Variants in ARHGAP32 observed in about 807,000 individuals in gnomAD.
ARHGAP32 encodes rho GTPase-activating protein 32.
Under a neutral mutation model 186.5 loss-of-function variants are expected in ARHGAP32, and 51 were observed. The observed-to-expected ratio is 0.27, with a 90% confidence interval of 0.22 to 0.35. The LOEUF (loss-of-function observed/expected upper bound fraction) is 0.35, where lower values mean the gene tolerates loss of function less well. Ranked by LOEUF, ARHGAP32 falls within the 10% of genes least tolerant of loss-of-function variation. The pLI, the probability that ARHGAP32 is intolerant of heterozygous loss-of-function variation, is 1.00. For synonymous variants in ARHGAP32, 950 were observed against 964.3 expected (o/e 0.99, Z 0.27); for missense variants, 2,186 against 2,623.5 (o/e 0.83, Z 3.64).
At chr11:129,178,279 A>T (rs1214826440) in intron 1 of ARHGAP32, among the ~76,000 whole-genome samples, 1 of 152,104 alleles carries the variant, frequency 6.6e-6, no homozygotes, top group Non-Finnish European at 1.5e-5. Flanking sequence ...TCCATTGCTC[A>T]AGGAAATAAA....
rs1346870519 is a variant in ARHGAP32, at chr11:129,227,193, A to G, written c.-5+51953T>C. Among the ~76,000 whole-genome samples, 4 of 152,046 alleles carry G rather than the reference A, an allele frequency of 2.6e-5. No homozygotes were observed. In the East Asian group the frequency reaches 7.7e-4, roughly 29 times the overall value. ...AATTAAGTGAGTATTAATTCAAACT[A>G]GAGTGTTATAAATTAAATTTTCAAT... On this transcript the variant is annotated intron_variant, in intron 1 of 6. Coordinates refer to the ARHGAP32 transcript ENST00000525234.
intron 2 of ARHGAP32, among the ~76,000 whole-genome samples, chr11:129,152,610 C>T (rs1943312868): frequency 1.3e-5 from 2 of 152,048 alleles, no homozygotes. Flanking sequence ...TGATACACCA[C>T]ATACACAAAA....
intron 11 of ARHGAP32, among the ~76,000 whole-genome samples, chr11:129,011,543 A>G (rs1938081724): frequency 6.6e-6 from 1 of 152,164 alleles, no homozygotes; most frequent in African/African-American, 2.4e-5. Context: ...GCCACGGGAC[A>G]GTGGTATGAA....
At chr11:128,993,454 A>G (rs545603885) in intron 12 of ARHGAP32, 1 of 151,924 alleles carries the variant, frequency 6.6e-6, no homozygotes, top group African/African-American at 2.4e-5. Flanking sequence ...GAACAATTAT[A>G]TATGATATAT....
intron 1 of ARHGAP32, among the ~76,000 whole-genome samples, chr11:129,177,341 C>T (rs1453113911): frequency 2.0e-5 from 3 of 152,008 alleles, no homozygotes; most frequent in East Asian, 3.9e-4. Flanking sequence ...GATTCACAGC[C>T]GAATTCTACC....
chr11:129,058,421 A>G (rs1472586890), intron 10 of ARHGAP32, among the ~76,000 whole-genome samples: 2 of 152,228 alleles, frequency 1.3e-5, no homozygotes, highest in Non-Finnish European at 2.9e-5. Context: ...AACAGGAGTC[A>G]TGAAAAATCT....
intron 1 of ARHGAP32, among the ~76,000 whole-genome samples, chr11:129,173,261 A>C (rs1943812068): frequency 6.6e-6 from 1 of 151,996 alleles, no homozygotes. Context: ...CTAAATTAGG[A>C]AGAAGCTGAA....
chr11:129,276,431 G>A (rs1429145203), intron 1 of ARHGAP32, among the ~76,000 whole-genome samples: 2 of 152,010 alleles, frequency 1.3e-5, no homozygotes, highest in Non-Finnish European at 2.9e-5. Flanking sequence ...CTCCCGAGTA[G>A]CCAGGACTAC....
At chr11:129,257,598 A>C (rs1396312429) in intron 1 of ARHGAP32, among the ~76,000 whole-genome samples, 1 of 151,792 alleles carries the variant, frequency 6.6e-6, no homozygotes, top group African/African-American at 2.4e-5. Context: ...ACATAACAAA[A>C]CTTTGTTGCT....
intron 8 of ARHGAP32, among the ~76,000 whole-genome samples, 178 bp from the exon 9 acceptor site, chr11:129,064,202 C>T (rs963798899): frequency 4.0e-5 from 6 of 150,018 alleles, no homozygotes; most frequent in African/African-American, 1.5e-4. Context: ...GTGCCTATAA[C>T]ATATACAGTT....
rs1174129901 is a variant in ARHGAP32, at chr11:129,241,574, G to A, written c.-5+37572C>T. Among the ~76,000 whole-genome samples, 3 of 152,238 alleles carry A rather than the reference G, an allele frequency of 2.0e-5. No homozygotes were observed. The East Asian group carries it at 5.8e-4, about 29-fold the overall frequency. ...GTGGGAGAGTCACTTGAGCCCAGAA[G>A]GTCAAGGCTGCAGTGAGACGTGATG... On this transcript the variant is annotated intron_variant, in intron 1 of 6. Coordinates refer to the ARHGAP32 transcript ENST00000525234.
chr11:129,081,964 A>C (rs1262329406), intron 6 of ARHGAP32, among the ~76,000 whole-genome samples: 1 of 152,178 alleles, frequency 6.6e-6, no homozygotes, highest in South Asian at 2.1e-4. Context: ...ACAGCAACCA[A>C]GCTGAGAATA....
chr11:129,056,499 G>T (rs1338669237), intron 10 of ARHGAP32, among the ~76,000 whole-genome samples: 1 of 152,006 alleles, frequency 6.6e-6, no homozygotes, highest in Admixed American at 6.6e-5. Context: ...TTCCCACTTT[G>T]GCCTCCCAAA....
intron 11 of ARHGAP32, among the ~76,000 whole-genome samples, chr11:129,035,870 T>A (rs924623402): frequency 6.6e-6 from 1 of 151,938 alleles, no homozygotes; most frequent in Non-Finnish European, 1.5e-5. Context: ...CACATTTCCT[T>A]ATGCCAACTC....
chr11:129,238,149 G>A (rs1437976267), intron 1 of ARHGAP32, among the ~76,000 whole-genome samples: 1 of 152,118 alleles, frequency 6.6e-6, no homozygotes, highest in Non-Finnish European at 1.5e-5. Context: ...AAGCTTGAGT[G>A]AAATTAATTA....
rs373082380 is a variant in ARHGAP32 at position 129,065,054 on chromosome 11, G to A, written c.670-121C>T. 3 of 751,522 alleles carry A rather than the reference G, an allele frequency of 4.0e-6. No individual in the cohort carries two copies. The African/African-American group carries it at 5.3e-5, about 13-fold the overall frequency. The allele number at this position is 751,522 out of a possible 1,614,324, so 46.6% of individuals were successfully genotyped here. A position where few individuals can be genotyped will look rare whatever the true frequency, so the allele number is the denominator to read the frequency against. On this transcript the variant is annotated intron_variant, in intron 7 of 22. Coordinates refer to ENST00000682385, the MANE Select transcript of ARHGAP32 (RefSeq NM_001378024.1). The stretch of plus-strand genomic sequence containing the variant: ...CTTTAGGCATTTTAATAGTTACAGA[G>A]GACTCTTCACAGAAACTTACCAGTA...
At chr11:129,218,268 C>G (rs1314927529) in intron 1 of ARHGAP32, among the ~76,000 whole-genome samples, 6 of 152,160 alleles carry the variant, frequency 3.9e-5, no homozygotes, top group Non-Finnish European at 8.8e-5. Context: ...TAGCCCACTG[C>G]TAATGAAGTG....
chr11:129,125,188 TC>T (rs1001018782), intron 2 of ARHGAP32, among the ~76,000 whole-genome samples: 3 of 152,060 alleles, frequency 2.0e-5, no homozygotes, highest in African/African-American at 7.2e-5. Context: ...AATTAAAATT[TC>T]CCCTGGAAGT....
chr11:129,201,941 C>T (rs2135576689), intron 1 of ARHGAP32, among the ~76,000 whole-genome samples: 1 of 152,212 alleles, frequency 6.6e-6, no homozygotes, highest in Admixed American at 6.5e-5. Context: ...TACAATCATG[C>T]CACTGCACTC....
Sources: gnomAD v4.1 joint callset for allele counts (sites outside exome capture counted in the v4.1 genomes callset) on GRCh38, gnomAD v4.1.1 for gene constraint, MANE v1.5 for transcripts, NCBI Gene and HGNC (gene_info 2026-07-23, HGNC 2026-07-21) for gene names.